The following TRIM14 variants were observed in gnomAD, a reference collection of about 807,000 sequenced individuals.
The protein encoded by TRIM14 is tripartite motif-containing protein 14.
Under a neutral mutation model 44.5 loss-of-function variants are expected in TRIM14, and 28 were observed. The ratio of observed to expected loss-of-function variants is 0.63; its 90% confidence interval spans 0.47 to 0.86. The LOEUF (loss-of-function observed/expected upper bound fraction) is 0.86. Among genes scored for constraint, TRIM14 ranks in the 40% least tolerant of loss-of-function variants. The pLI, the probability that TRIM14 is intolerant of heterozygous loss-of-function variation, is 0.00. For synonymous variants in TRIM14, 299 were observed against 269.2 expected (o/e 1.11, Z -1.08); for missense variants, 607 against 611.1 (o/e 0.99, Z 0.07).
At chr9:98,056,980 G>A in the TRIM14 span, 5 of 1,531,666 alleles carry the variant, frequency 3.3e-6, no homozygotes, top group Non-Finnish European at 4.4e-6. Context: ...TCGGGCGCCG[G>A]GAGGGGCGGG....
chr9:98,102,173 C>T (rs1826423652), intron 2 of TRIM14, among the ~76,000 whole-genome samples: 1 of 152,150 alleles, frequency 6.6e-6, no homozygotes, highest in African/African-American at 2.4e-5. Context: ...TCACAGTCCA[C>T]CTGCACCCAG....
intron 6 of TRIM14, chr9:98,075,588 G>A (rs1829556631): frequency 6.6e-6 from 1 of 152,070 alleles, no homozygotes; most frequent in African/African-American, 2.4e-5. Context: ...CTGGGAGAGG[G>A]AAAGATTTGT....
the TRIM14 span, among the ~76,000 whole-genome samples, chr9:98,049,939 C>T: frequency 2.6e-5 from 4 of 152,144 alleles, no homozygotes; most frequent in African/African-American, 7.2e-5. Flanking sequence ...GAGCAAGTCA[C>T]GAATTGAGCA....
chr9:98,065,640 C>CTTT (rs751144623), downstream of TRIM14, among the ~76,000 whole-genome samples: 8 of 143,920 alleles, frequency 5.6e-5, no homozygotes, highest in African/African-American at 2.0e-4. Context: ...CATCCAGCTG[C>CTTT]TTTTTTTTTT....
chr9:98,042,278 G>A, the TRIM14 span, among the ~76,000 whole-genome samples: 1 of 133,900 alleles, frequency 7.5e-6, no homozygotes, highest in Non-Finnish European at 1.5e-5. Context: ...AGGCGAACGT[G>A]CCAGACTCTG....
the TRIM14 span, among the ~76,000 whole-genome samples, chr9:98,037,315 T>A: frequency 0.28 from 41,873 of 151,316 alleles, 5,969 homozygotes; most frequent in Admixed American, 0.31. Flanking sequence ...GAGGTGGAGG[T>A]TGCAGTGAGC....
chr9:98,076,794 T>C (rs1009164574), intron 6 of TRIM14: 2 of 697,864 alleles, frequency 2.9e-6, no homozygotes, highest in South Asian at 3.5e-5. Context: ...TGCTTTCAAG[T>C]TGCTGAGCGT....
downstream of TRIM14, among the ~76,000 whole-genome samples, chr9:98,067,675 T>C (rs770502152): frequency 5.9e-5 from 9 of 152,214 alleles, no homozygotes; most frequent in Non-Finnish European, 1.0e-4. Context: ...CTTTAGTAGA[T>C]AAATGATTGT....
intron 2 of TRIM14, among the ~76,000 whole-genome samples, chr9:98,106,136 G>A: frequency 6.6e-6 from 1 of 152,280 alleles, no homozygotes; most frequent in Non-Finnish European, 1.5e-5. Flanking sequence ...ATGGTAAATA[G>A]CTACTGGAGA....
At chr9:98,098,928 C>T (rs1016918659) in intron 3 of TRIM14, among the ~76,000 whole-genome samples, 10 of 152,076 alleles carry the variant, frequency 6.6e-5, no homozygotes, top group Non-Finnish European at 1.0e-4. Context: ...CACGCCATCA[C>T]GCCTGGCTGA....
the TRIM14 span, chr9:98,056,721 C>A: frequency 6.6e-7 from 1 of 1,504,938 alleles, no homozygotes; most frequent in Non-Finnish European, 8.9e-7. Context: ...GTGGGTCTCG[C>A]AGCGTTGCTC....
At chr9:98,039,394 C>T in the TRIM14 span, among the ~76,000 whole-genome samples, 1 of 152,178 alleles carries the variant, frequency 6.6e-6, no homozygotes, top group Non-Finnish European at 1.5e-5. Context: ...CTTGTTCATT[C>T]CTGGGCGTAG....
chr9:98,077,576 G>A (rs1024382472), intron 6 of TRIM14, among the ~76,000 whole-genome samples: 1 of 151,998 alleles, frequency 6.6e-6, no homozygotes, highest in Admixed American at 6.6e-5. Context: ...AACCTAGCTG[G>A]GTATGGTGGT....
downstream of TRIM14, among the ~76,000 whole-genome samples, chr9:98,066,923 T>C (rs1173353709): frequency 6.6e-6 from 1 of 152,196 alleles, no homozygotes; most frequent in Non-Finnish European, 1.5e-5. Context: ...AGTGCTGGGA[T>C]TGTAGGTGTG....
At chr9:98,104,669 A>T (rs1826536762) in intron 2 of TRIM14, among the ~76,000 whole-genome samples, 1 of 152,064 alleles carries the variant, frequency 6.6e-6, no homozygotes, top group South Asian at 2.1e-4. Flanking sequence ...CTTTGAAGAG[A>T]GCTGGTGGCT....
At chr9:98,090,401 G>C (rs1825951123) in intron 5 of TRIM14, among the ~76,000 whole-genome samples, 1 of 152,226 alleles carries the variant, frequency 6.6e-6, no homozygotes, top group African/African-American at 2.4e-5. Context: ...TAGAAGTCTG[G>C]AGAGTGGATC....
chr9:98,060,742 C>A, the TRIM14 span: 4 of 1,597,766 alleles, frequency 2.5e-6, no homozygotes, highest in Admixed American at 6.7e-5. Context: ...TTTTGAGAAT[C>A]TACGACAGTC....
chr9:98,107,041 T>A (rs929028309), intron 2 of TRIM14, among the ~76,000 whole-genome samples: 3 of 152,072 alleles, frequency 2.0e-5, no homozygotes, highest in Admixed American at 1.3e-4. Context: ...GAATAGATAC[T>A]CAACATCACT....
In TRIM14 at chr9:98,092,099, C is replaced by T. The variant is rs1366507604; in HGVS notation, c.701-98G>A. 10 of 866,768 alleles carry T rather than the reference C, an allele frequency of 1.2e-5. No individual in the cohort carries two copies. The East Asian group carries it at 2.5e-4, about 21-fold the overall frequency. The allele number at this position is 866,768 out of a possible 1,614,324, so 53.7% of individuals were successfully genotyped here. A position where few individuals can be genotyped will look rare whatever the true frequency, so the allele number is the denominator to read the frequency against. ...ACACAACTGGAGATTCGCATAATCT[C>T]GCCCAAGAGCCAGGCAGATTTAAGG... On this transcript the variant is annotated intron_variant, in intron 4 of 5. Coordinates refer to ENST00000341469, the MANE Select transcript of TRIM14 (RefSeq NM_014788.4).
Sources: allele counts gnomAD v4.1 joint callset (sites outside exome capture counted in the v4.1 genomes callset), GRCh38; gene constraint gnomAD v4.1.1; transcripts MANE v1.5; gene names NCBI Gene and HGNC (gene_info 2026-07-23, HGNC 2026-07-21).